The following GHR variants were observed in gnomAD, a reference collection of about 807,000 sequenced individuals.
The protein encoded by GHR is GH receptor.
Under a neutral mutation model 67.1 loss-of-function variants are expected in GHR, and 35 were observed. The observed-to-expected ratio is 0.52, with a 90% confidence interval of 0.40 to 0.69. The LOEUF (loss-of-function observed/expected upper bound fraction) is 0.69, where lower values mean the gene tolerates loss of function less well. Ranked by LOEUF, GHR falls within the 30% of genes least tolerant of loss-of-function variation. The pLI, the probability that GHR is intolerant of heterozygous loss-of-function variation, is 0.00. For synonymous variants in GHR, 272 were observed against 269.1 expected, an observed-to-expected ratio of 1.01 and a Z score of -0.10; for missense variants, 792 against 764.6, an observed-to-expected ratio of 1.04 and a Z score of -0.42.
At chr5:42,444,565 T>C (rs1743726312) in intron 1 of GHR, among the ~76,000 whole-genome samples, 1 of 152,212 alleles carries the variant, frequency 6.6e-6, no homozygotes, top group African/African-American at 2.4e-5. Flanking sequence ...TCAAAAATCA[T>C]CTTATTGCCT....
chr5:42,707,129 GT>G (rs1758214229), intron 6 of GHR, among the ~76,000 whole-genome samples: 1 of 150,922 alleles, frequency 6.6e-6, no homozygotes. Flanking sequence ...CTAGGTTTCT[GT>G]GTGTGTGTGT....
At chr5:42,631,661 T>G (rs1753935670) in intron 3 of GHR, among the ~76,000 whole-genome samples, 2 of 152,248 alleles carry the variant, frequency 1.3e-5, no homozygotes, top group Admixed American at 6.5e-5. Context: ...ACATGAAAAG[T>G]TAGTGTTTAA....
intron 1 of GHR, among the ~76,000 whole-genome samples, chr5:42,454,810 T>C (rs901945106): frequency 6.6e-6 from 1 of 152,038 alleles, no homozygotes; most frequent in Non-Finnish European, 1.5e-5. Context: ...CAAGCAAGGC[T>C]TTCAGGCCAC....
At chr5:42,691,386 G>A (rs1301937979) in intron 4 of GHR, among the ~76,000 whole-genome samples, 1 of 152,120 alleles carries the variant, frequency 6.6e-6, no homozygotes, top group Non-Finnish European at 1.5e-5. Context: ...TATCCAAGAA[G>A]GATAAAACTG....
chr5:42,449,168 A>C (rs893057991), intron 1 of GHR, among the ~76,000 whole-genome samples: 1 of 152,144 alleles, frequency 6.6e-6, no homozygotes, highest in Non-Finnish European at 1.5e-5. Context: ...AGTTCTGTGA[A>C]GAATGATGAT....
intron 2 of GHR, among the ~76,000 whole-genome samples, chr5:42,616,740 T>A (rs1304919107): frequency 1.3e-5 from 2 of 149,504 alleles, no homozygotes; most frequent in African/African-American, 4.9e-5. Context: ...TATTTATGGG[T>A]CGGGCAGAGG....
At chr5:42,648,517 T>C (rs1400603511) in intron 3 of GHR, among the ~76,000 whole-genome samples, 1 of 152,194 alleles carries the variant, frequency 6.6e-6, no homozygotes, top group African/African-American at 2.4e-5. Flanking sequence ...TGACTTCTTC[T>C]CTATTCCTGG....
At chr5:42,547,531 C>A (rs1748794780) in intron 1 of GHR, among the ~76,000 whole-genome samples, 1 of 152,026 alleles carries the variant, frequency 6.6e-6, no homozygotes, top group African/African-American at 2.4e-5. Context: ...GTATTTTATA[C>A]CTTTTAGTTG....
chr5:42,583,882 T>G (rs969275932), intron 2 of GHR, among the ~76,000 whole-genome samples: 2 of 148,644 alleles, frequency 1.3e-5, no homozygotes, highest in Middle Eastern at 3.5e-3. Flanking sequence ...AATAAAGATA[T>G]ATATATATAT....
intron 1 of GHR, among the ~76,000 whole-genome samples, chr5:42,547,361 A>G (rs942541900): frequency 2.6e-5 from 4 of 152,166 alleles, no homozygotes; most frequent in African/African-American, 9.7e-5. Context: ...AATGAGTCAC[A>G]CAGTCTTGTG....
At chr5:42,486,478 A>C (rs1361279505) in intron 1 of GHR, among the ~76,000 whole-genome samples, 1 of 152,208 alleles carries the variant, frequency 6.6e-6, no homozygotes, top group Non-Finnish European at 1.5e-5. Context: ...AATGGTCGAC[A>C]ATTTCAGATT....
intron 3 of GHR, among the ~76,000 whole-genome samples, chr5:42,687,823 AG>A (rs1243088090): frequency 6.6e-6 from 1 of 152,218 alleles, no homozygotes; most frequent in African/African-American, 2.4e-5. Flanking sequence ...ATATGATTGA[AG>A]GCTAATCATA....
At chr5:42,694,614 C>T (rs887801034) in intron 4 of GHR, among the ~76,000 whole-genome samples, 5 of 152,262 alleles carry the variant, frequency 3.3e-5, no homozygotes, top group Middle Eastern at 3.4e-3. Flanking sequence ...GAACCTTCAT[C>T]TATACAACTG....
chr5:42,635,761 A>T (rs1298310437), intron 3 of GHR, among the ~76,000 whole-genome samples: 1 of 152,192 alleles, frequency 6.6e-6, no homozygotes, highest in African/African-American at 2.4e-5. Flanking sequence ...GCATTGACTT[A>T]GGCACTATTA....
chr5:42,683,901 AATC>A lies in GHR; in HGVS notation c.137-4988_137-4986del, dbSNP rs572932381. Among the ~76,000 whole-genome samples the A allele has an allele frequency of 1.8e-3, 268 of 152,250 alleles. 3 individuals are homozygous for A. The highest frequency in any genetic ancestry group is 6.0e-3 in the African/African-American group (249 of 41,564). Reference sequence around the variant, plus strand: ...CATCTGGAGTTAAAAGGAAACAATAAATCTAAGAATACTAAGTTTAAGTAATCA... The same window carrying A: ...CATCTGGAGTTAAAAGGAAACAATAATAAGAATACTAAGTTTAAGTAATCA... On this transcript the variant is annotated intron_variant, in intron 3 of 9. Coordinates refer to ENST00000230882, the MANE Select transcript of GHR (RefSeq NM_000163.5).
chr5:42,652,293 C>T (rs894728541), intron 3 of GHR, among the ~76,000 whole-genome samples: 81 of 43,844 alleles, frequency 1.8e-3, no homozygotes, highest in African/African-American at 5.5e-3. Context: ...TTTAAAATTA[C>T]ATTCATGTGG....
chr5:42,715,716 A>G (rs1758688445), intron 8 of GHR, among the ~76,000 whole-genome samples: 1 of 152,204 alleles, frequency 6.6e-6, no homozygotes, highest in South Asian at 2.1e-4. Flanking sequence ...CAGAGTGAAG[A>G]TTTTCCTACA....
At chr5:42,499,864 C>T (rs1746467377) in intron 1 of GHR, among the ~76,000 whole-genome samples, 1 of 152,178 alleles carries the variant, frequency 6.6e-6, no homozygotes, top group South Asian at 2.1e-4. Flanking sequence ...ACTTGGAAAG[C>T]CTGTGGTGTC....
At chr5:42,614,228 C>T in intron 2 of GHR, among the ~76,000 whole-genome samples, 1 of 152,090 alleles carries the variant, frequency 6.6e-6, no homozygotes, top group East Asian at 1.9e-4. Flanking sequence ...ACACCGTTTT[C>T]ATCCAAATGT....
Sources: allele counts gnomAD v4.1 joint callset (sites outside exome capture counted in the v4.1 genomes callset), GRCh38; gene constraint gnomAD v4.1.1; transcripts MANE v1.5; gene names NCBI Gene and HGNC (gene_info 2026-07-23, HGNC 2026-07-21).